MAPK8IP3: variants seen among roughly 807,000 people sequenced by gnomAD.
MAPK8IP3 encodes the protein mitogen-activated protein kinase 8 interacting protein 3.
MAPK8IP3 carries 49 observed loss-of-function variants against 157.8 expected under a neutral mutation model. The ratio of observed to expected loss-of-function variants is 0.31; its 90% CI spans 0.25 to 0.39. The LOEUF (loss-of-function observed/expected upper bound fraction) is 0.39, where lower values mean the gene tolerates loss of function less well. MAPK8IP3 is among the 10% of genes least tolerant of loss of function. The pLI is 1.00. For synonymous variants in MAPK8IP3, 897 were observed against 777.7 expected (o/e 1.15, Z -2.55); for missense variants, 1,478 against 1,889.4 (o/e 0.78, Z 4.04).
At chr16:1,738,594 G>T (rs2040282965) in intron 4 of MAPK8IP3, among the ~76,000 whole-genome samples, 1 of 141,018 alleles carries the variant, frequency 7.1e-6, no homozygotes, top group Non-Finnish European at 1.5e-5. Context: ...CCATCCATGT[G>T]AGCATCTGTG....
rs557475434 is a variant in MAPK8IP3, at chr16:1,712,699, G to C, written c.318+6042G>C. 1.1e-3 allele frequency among the ~76,000 whole-genome samples: 175 copies of C among 152,286 alleles called. 3 individuals are homozygous for C. The highest frequency in any genetic ancestry group is 4.6e-4 in the Admixed American group (7 of 15,302). ...CCTCTCACCAGCCTCATCTGCCTCTGGTCTTCTGGCTGCCCCCCATTCTGC... is the reference window on the plus strand; with the variant it reads ...CCTCTCACCAGCCTCATCTGCCTCTCGTCTTCTGGCTGCCCCCCATTCTGC... On this transcript the variant is annotated intron_variant, in intron 1 of 31. Transcript: ENST00000610761.
At chr16:1,730,207 T>G (rs927607270) in intron 4 of MAPK8IP3, among the ~76,000 whole-genome samples, 1 of 151,962 alleles carries the variant, frequency 6.6e-6, no homozygotes, top group Admixed American at 6.6e-5. Context: ...GCTGCAGTGA[T>G]CTACAGTCGC....
intron 4 of MAPK8IP3, chr16:1,734,880 G>T (rs766044391): frequency 1.2e-4 from 18 of 154,660 alleles, no homozygotes; most frequent in Middle Eastern, 5.1e-4. Context: ...GGCTTAGTGA[G>T]TGTGTGTCTG....
chr16:1,755,753 A>C (rs1842996497), intron 8 of MAPK8IP3, among the ~76,000 whole-genome samples: 1 of 151,824 alleles, frequency 6.6e-6, no homozygotes, highest in African/African-American at 2.4e-5. Flanking sequence ...AGACTAAGGC[A>C]AGTGAATCGC....
At position 1,724,415 on chromosome 16, in the gene MAPK8IP3, T is replaced by G; in HGVS notation, c.319-142T>G. ...ACAGCCACGTGGCGGGAAGCCCCCA[T>G]TCCGGCCTGGCCATGGGCCAGCTTG... On this transcript the variant is annotated intron_variant, in intron 1 of 31. Transcript: ENST00000610761. The surrounding 1 kb of genome is among the most constrained non-coding windows in gnomAD (Gnocchi z 4.1). 1 of 1,154,948 alleles carries G rather than the reference T, an allele frequency of 8.7e-7. No individual in the cohort carries two copies. The allele number at this position is 1,154,948 out of a possible 1,614,324, so 71.5% of individuals were successfully genotyped here. A position where few individuals can be genotyped will look rare whatever the true frequency, so the allele number is the denominator to read the frequency against.
chr16:1,724,806 G>A lies in MAPK8IP3; in HGVS notation c.439+129G>A. The A allele has an allele frequency of 8.0e-7, 1 of 1,245,956 alleles. No individual in the cohort carries two copies. The highest frequency in any genetic ancestry group is 1.1e-6 in the Non-Finnish European group (1 of 911,278). The allele number at this position is 1,245,956 out of a possible 1,614,324, so 77.2% of individuals were successfully genotyped here. On this transcript the variant is annotated intron_variant, in intron 2 of 31. Transcript: ENST00000610761. The surrounding 1 kb of genome is among the most constrained non-coding windows in gnomAD (Gnocchi z 4.1). ...GAAGCCCAGTGGGAGCCTCAGCCAT[G>A]TATTCCAGCTCTTTGTACTGCTGCC... is the stretch of plus-strand genomic sequence containing the variant.
Position 1,763,800 on chromosome 16 carries a change from CG to C in MAPK8IP3, c.2025+21del, listed in dbSNP as rs1283639661. ...TACAAGCAGGTGCGGGCGGGCGCTG[CG>C]GGGACCGGGCGGGGCCCCGCAGAGG... On this transcript the variant is annotated intron_variant, in intron 17 of 31. Coordinates refer to ENST00000610761, the MANE Select transcript of MAPK8IP3 (RefSeq NM_001318852.2). The C allele has an allele frequency of 1.8e-6, 2 of 1,099,600 alleles. No homozygotes were observed. Among genetic ancestry groups the C allele is most frequent in the Non-Finnish European group, 2.3e-6 (2 of 864,798 alleles). 68.1% of individuals were successfully genotyped at this position (1,099,600 alleles called of 1,614,324 possible).
Position 1,737,753 on chromosome 16 carries a change from C to T in MAPK8IP3, c.603-5579C>T, listed in dbSNP as rs1195457968. Among the ~76,000 whole-genome samples the T allele has an allele frequency of 1.1e-4, 3 of 27,358 alleles. 1 individual carries two copies. Among genetic ancestry groups the T allele is most frequent in the African/African-American group, 6.0e-4 (2 of 3,318 alleles). The allele number at this position is 27,358 out of a possible 152,430, so 17.9% of individuals were successfully genotyped here. ...GAGCATCCGTGTGAGCGTGACCATCCGTGTGTGTGACCATCCGTGTGAGTG... is the reference window on the plus strand; with the variant it reads ...GAGCATCCGTGTGAGCGTGACCATCTGTGTGTGTGACCATCCGTGTGAGTG... On this transcript the variant is annotated intron_variant, in intron 4 of 31. Coordinates refer to ENST00000610761, the MANE Select transcript of MAPK8IP3 (RefSeq NM_001318852.2).
Position 1,763,018 on chromosome 16 carries a change from G to T in MAPK8IP3, c.1898+12G>T. 2.5e-6 allele frequency: 4 copies of T among 1,612,330 alleles called. No individual in the cohort carries two copies. Among genetic ancestry groups the T allele is most frequent in the Non-Finnish European group, 3.4e-6 (4 of 1,179,696 alleles). On this transcript the variant is annotated intron_variant, in intron 16 of 31. Coordinates refer to ENST00000610761, the MANE Select transcript of MAPK8IP3 (RefSeq NM_001318852.2). ...TTCTTCCCTGACGAGTGAGTGTCCC[G>T]CAGCCCCCACTTGTGGCCTGCAATG...
Position 1,738,393 on chromosome 16 carries a change from T to TGTCC in MAPK8IP3, c.603-4938_603-4937insTCCG, listed in dbSNP as rs1393516871. ...GTGACCATCCATGTGAGCATCCGTGTGACCGTGTGAGCGTCCGTGTGAGCG... is the reference window on the plus strand; with the variant it reads ...GTGACCATCCATGTGAGCATCCGTGTGTCCGACCGTGTGAGCGTCCGTGTGAGCG... On this transcript the variant is annotated intron_variant, in intron 4 of 31. Coordinates refer to ENST00000610761, the MANE Select transcript of MAPK8IP3 (RefSeq NM_001318852.2). 5.4e-4 allele frequency among the ~76,000 whole-genome samples: 52 copies of TGTCC among 96,402 alleles called. 1 individual carries two copies. Among genetic ancestry groups the TGTCC allele is most frequent in the African/African-American group, 2.3e-3 (51 of 21,876 alleles). The allele number at this position is 96,402 out of a possible 152,430, so 63.2% of individuals were successfully genotyped here.
intron 4 of MAPK8IP3, among the ~76,000 whole-genome samples, chr16:1,735,318 G>T (rs1215992776): frequency 6.6e-6 from 1 of 151,412 alleles, no homozygotes; most frequent in Non-Finnish European, 1.5e-5. Flanking sequence ...GTGTTTCCGT[G>T]TGTGTCCATG....
At position 1,730,900 on chromosome 16, in the gene MAPK8IP3, A is replaced by G. The variant is rs1212074175; in HGVS notation, c.602+1322A>G. ...CACACCTGTAATCCCGGCACTTTGG[A>G]AGGCTGAGGCCGGCAGATCACTTGA... On this transcript the variant is annotated intron_variant, in intron 4 of 31. Coordinates refer to ENST00000610761, the MANE Select transcript of MAPK8IP3 (RefSeq NM_001318852.2). Among the ~76,000 whole-genome samples the G allele has an allele frequency of 5.3e-5, 8 of 149,672 alleles. No homozygotes were observed. In the East Asian group the frequency reaches 1.6e-3, roughly 30 times the overall value.
Position 1,761,537 on chromosome 16 carries a change from A to G in MAPK8IP3, c.1539+232A>G, listed in dbSNP as rs367902374. Among the ~76,000 whole-genome samples, 232 of 123,430 alleles carry G rather than the reference A, an allele frequency of 1.9e-3. 1 individual carries two copies. Among genetic ancestry groups the G allele is most frequent in the Middle Eastern group, 0.014 (3 of 212 alleles). 81.0% of individuals were successfully genotyped at this position (123,430 alleles called of 152,430 possible). A position where few individuals can be genotyped will look rare whatever the true frequency, so the allele number is the denominator to read the frequency against. On this transcript the variant is annotated intron_variant, in intron 13 of 31. Transcript: ENST00000610761. ...CGGCCACCATTCACCATTCACAGGC[A>G]GGGCGGCCGCCATTCACCATTCACA...
At chr16:1,736,018 G>A (rs527926666) in intron 4 of MAPK8IP3, among the ~76,000 whole-genome samples, 5 of 143,350 alleles carry the variant, frequency 3.5e-5, no homozygotes, top group Admixed American at 2.1e-4. Context: ...ATGTGAGAGT[G>A]TGACCGTCCA....
intron 4 of MAPK8IP3, among the ~76,000 whole-genome samples, chr16:1,732,494 G>A (rs992447655): frequency 1.3e-5 from 2 of 152,244 alleles, no homozygotes; most frequent in African/African-American, 2.4e-5. Flanking sequence ...CACGGTGTGC[G>A]CAAAGGCCCA....
At chr16:1,745,874 C>G (rs977488494) in intron 5 of MAPK8IP3, 1 of 152,330 alleles carries the variant, frequency 6.6e-6, no homozygotes, top group Non-Finnish European at 1.5e-5. Context: ...GCCCCGTGCC[C>G]TGAGTCTGGC....
chr16:1,711,455 GA>G (rs1390663174), intron 1 of MAPK8IP3, among the ~76,000 whole-genome samples: 2 of 152,214 alleles, frequency 1.3e-5, no homozygotes, highest in Admixed American at 1.3e-4. Flanking sequence ...GAGCCTCCTA[GA>G]TCCTTAATCT....
chr16:1,717,997 G>T (rs367879577), intron 1 of MAPK8IP3, among the ~76,000 whole-genome samples: 2 of 145,018 alleles, frequency 1.4e-5, no homozygotes, highest in African/African-American at 5.1e-5. Context: ...GACTACAGGC[G>T]CCCGCCACCA....
chr16:1,708,943 T>C (rs2037576604), intron 1 of MAPK8IP3, among the ~76,000 whole-genome samples: 1 of 152,208 alleles, frequency 6.6e-6, no homozygotes, highest in South Asian at 2.1e-4. Context: ...GCGTCTTTTC[T>C]AGGCAGGGAC....
Sources: gnomAD v4.1 joint callset for allele counts (sites outside exome capture counted in the v4.1 genomes callset) on GRCh38, gnomAD v4.1.1 for gene constraint, Gnocchi (gnomAD v3.1) non-coding constraint, MANE v1.5 for transcripts, NCBI Gene and HGNC (gene_info 2026-07-23, HGNC 2026-07-21) for gene names.